ZNF674: variants seen among roughly 807,000 people sequenced by gnomAD.
ZNF674 encodes the protein zinc finger family member 674.
A neutral mutation model predicts 7.0 loss-of-function variants in ZNF674; 2 were observed. The ratio of observed to expected loss-of-function variants is 0.29; its 90% CI spans 0.12 to 0.90. ZNF674 has a LOEUF of 0.90. Among genes scored for constraint, ZNF674 ranks in the 40% least tolerant of loss-of-function variants. ZNF674 has a pLI of 0.57. For synonymous variants in ZNF674, 103 were observed against 145.2 expected (o/e 0.71, Z 2.09); for missense variants, 297 against 415.5 (o/e 0.71, Z 2.48).
intron 3 of ZNF674, among the ~76,000 whole-genome samples, chrX:46,532,741 A>G (rs1322920882): frequency 2.7e-5 from 3 of 112,300 alleles, no homozygotes; most frequent in Non-Finnish European, 5.6e-5. Context: ...TTTAAAAGAT[A>G]ATAGACCACA....
intron 3 of ZNF674, among the ~76,000 whole-genome samples, chrX:46,531,722 G>C (rs1384046023): frequency 4.5e-5 from 5 of 111,363 alleles, no homozygotes; most frequent in Non-Finnish European, 7.5e-5. Context: ...ATATGACAAT[G>C]ATGATGAAAG....
At chrX:46,535,208 A>ATGC (rs1478528671) in intron 3 of ZNF674, among the ~76,000 whole-genome samples, 7 of 110,496 alleles carry the variant, frequency 6.3e-5, no homozygotes, top group Non-Finnish European at 1.1e-4. Flanking sequence ...ATGCAGTGGC[A>ATGC]TGCTCACAGA....
rs766761736 is a variant in ZNF674 at position 46,532,163 on chromosome X, C to T, written c.16-3254G>A. Among the ~76,000 whole-genome samples, 7 of 111,679 alleles carry T rather than the reference C, an allele frequency of 6.3e-5. No homozygotes were observed. In the South Asian group the frequency reaches 2.2e-3, roughly 35 times the overall value. ...AGCCTGGGCAACAAGAGCAAAACTC[C>T]GTCTCAAAAAAACAAAAAACAAAAC... is the stretch of plus-strand genomic sequence containing the variant. On this transcript the variant is annotated intron_variant, in intron 3 of 5. Transcript: ENST00000683375.
intron 5 of ZNF674, among the ~76,000 whole-genome samples, chrX:46,508,562 C>A (rs778389557): frequency 9.0e-6 from 1 of 110,935 alleles, no homozygotes; most frequent in African/African-American, 3.3e-5. Flanking sequence ...GGCAGTATGG[C>A]CATTTTCACG....
Position 46,498,133 on chromosome X carries a change from C to T in ZNF674, c.*1710G>A, listed in dbSNP as rs924885911. On this transcript the variant is annotated 3_prime_UTR_variant, in exon 6 of 6. Coordinates refer to ENST00000683375, the MANE Select transcript of ZNF674 (RefSeq NM_001190417.2). Reference sequence around the variant, plus strand: ...TAATGATTTACCACGAACATTTTCCCAAATTTGCCAGTAGTCTTAATTGGT... The same window carrying T: ...TAATGATTTACCACGAACATTTTCCTAAATTTGCCAGTAGTCTTAATTGGT... The T allele has an allele frequency of 1.2e-4, 13 of 110,832 alleles. No homozygotes were observed. The highest frequency in any genetic ancestry group is 3.9e-4 in the African/African-American group (12 of 30,494). The allele number at this position is 110,832 out of a possible 1,213,427, so 9.1% of individuals were successfully genotyped here. A position where few individuals can be genotyped will look rare whatever the true frequency, so the allele number is the denominator to read the frequency against.
At chrX:46,505,069 T>C (rs1409014941) in intron 5 of ZNF674, among the ~76,000 whole-genome samples, 2 of 110,066 alleles carry the variant, frequency 1.8e-5, no homozygotes, top group African/African-American at 6.6e-5. Context: ...TTTGTATTTT[T>C]AGTAGAGACG....
At chrX:46,525,627 A>G (rs1941998295) in intron 5 of ZNF674, among the ~76,000 whole-genome samples, 1 of 110,097 alleles carries the variant, frequency 9.1e-6, no homozygotes, top group East Asian at 2.8e-4. Context: ...AAAAAAAAAA[A>G]GAGGGCAAAA....
At chrX:46,516,277 A>G (rs1194373566) in intron 5 of ZNF674, among the ~76,000 whole-genome samples, 1 of 112,047 alleles carries the variant, frequency 8.9e-6, no homozygotes, top group Non-Finnish European at 1.9e-5. Flanking sequence ...AACCAGGAAG[A>G]CTACGGAGGT....
intron 5 of ZNF674, among the ~76,000 whole-genome samples, chrX:46,527,008 T>C (rs1908206075): frequency 8.9e-6 from 1 of 112,099 alleles, no homozygotes; most frequent in African/African-American, 3.2e-5. Context: ...GGCTCACACC[T>C]GTAATCCCAG....
At chrX:46,501,365 T>C in intron 5 of ZNF674, 30 bp from the exon 6 acceptor site, 1 of 1,178,091 alleles carries the variant, frequency 8.5e-7, no homozygotes, top group Non-Finnish European at 1.1e-6. Context: ...ATCATCAAAC[T>C]TGTCTTCCCA....
At chrX:46,523,172 C>G (rs1262892756) in intron 5 of ZNF674, 2 of 226,126 alleles carry the variant, frequency 8.8e-6, no homozygotes. Context: ...TAAACACAAT[C>G]AAAAGCTGGT....
chrX:46,538,239 C>T (rs1009228713), intron 3 of ZNF674, among the ~76,000 whole-genome samples: 1 of 111,848 alleles, frequency 8.9e-6, no homozygotes, highest in Non-Finnish European at 1.9e-5. Flanking sequence ...CATACAGATA[C>T]TCAACTGTGC....
In ZNF674 at chrX:46,516,899, A is replaced by G. The variant is rs1420060148; in HGVS notation, c.238+11451T>C. On this transcript the variant is annotated intron_variant, in intron 5 of 5. Transcript: ENST00000683375. The stretch of plus-strand genomic sequence containing the variant: ...GTAATCTTAGCTACTCGGGAGACTG[A>G]GGCAGGAGAATTGCTTGAACCTGGG... 1.5e-4 allele frequency among the ~76,000 whole-genome samples: 17 copies of G among 110,455 alleles called. No individual in the cohort carries two copies. In the Admixed American group the frequency reaches 1.6e-3, roughly 10 times the overall value.
At chrX:46,538,692 GAAC>G (rs973911818) in intron 3 of ZNF674, among the ~76,000 whole-genome samples, 6 of 111,702 alleles carry the variant, frequency 5.4e-5, no homozygotes, top group South Asian at 7.5e-4. Context: ...AGGCATTGGA[GAAC>G]AACCTGGCCA....
At chrX:46,510,890 AG>A (rs1941642265) in intron 5 of ZNF674, among the ~76,000 whole-genome samples, 1 of 112,825 alleles carries the variant, frequency 8.9e-6, no homozygotes, top group African/African-American at 3.2e-5. Context: ...ATACCACAGC[AG>A]ATATCATATT....
At chrX:46,517,594 A>G (rs1408003928) in intron 5 of ZNF674, among the ~76,000 whole-genome samples, 1 of 112,099 alleles carries the variant, frequency 8.9e-6, no homozygotes, top group Non-Finnish European at 1.9e-5. Context: ...GAGGAAAAAA[A>G]GGTACACTGC....
At chrX:46,542,709 C>G (rs1052140602) in intron 2 of ZNF674, among the ~76,000 whole-genome samples, 13 of 110,634 alleles carry the variant, frequency 1.2e-4, no homozygotes, top group African/African-American at 4.3e-4. Context: ...CAGAGCCTGG[C>G]TCAAAAATAA....
chrX:46,504,600 C>T (rs759178045), intron 5 of ZNF674, among the ~76,000 whole-genome samples: 7 of 111,565 alleles, frequency 6.3e-5, no homozygotes, highest in African/African-American at 1.6e-4. Context: ...GCCTCGGCCC[C>T]GCAAAGTGCT....
chrX:46,504,345 ATT>A (rs1236103997), intron 5 of ZNF674, among the ~76,000 whole-genome samples: 1 of 102,750 alleles, frequency 9.7e-6, no homozygotes, highest in Non-Finnish European at 2.0e-5. Context: ...GATCCCTATA[ATT>A]TTTTTTTTTT....
Sources: gnomAD v4.1 joint callset for allele counts (sites outside exome capture counted in the v4.1 genomes callset) on GRCh38, gnomAD v4.1.1 for gene constraint, MANE v1.5 for transcripts, NCBI Gene and HGNC (gene_info 2026-07-23, HGNC 2026-07-21) for gene names.